The following AUH variants were observed in gnomAD, a reference collection of about 807,000 sequenced individuals.
AUH encodes the protein AU RNA binding methylglutaconyl-CoA hydratase.
In AUH, 29 loss-of-function variants were observed where a neutral mutation model predicts 42.3. The observed-to-expected ratio is 0.69, with a 90% CI of 0.51 to 0.93. The LOEUF is 0.93. AUH is among the 40% of genes least tolerant of loss of function. The pLI is 0.00. For missense variants in AUH, 452 were observed against 438.1 expected, an observed-to-expected ratio of 1.03 and a Z score of -0.28; for synonymous variants, 174 against 166.4, an observed-to-expected ratio of 1.05 and a Z score of -0.35.
intron 3 of AUH, among the ~76,000 whole-genome samples, chr9:91,329,705 G>C (rs1156628268): frequency 6.6e-6 from 1 of 150,694 alleles, no homozygotes; most frequent in Admixed American, 6.6e-5. Flanking sequence ...TCACTTTCTT[G>C]GTGATTTTTG....
intron 4 of AUH, among the ~76,000 whole-genome samples, chr9:91,305,029 C>T (rs982245685): frequency 1.3e-5 from 2 of 152,080 alleles, no homozygotes; most frequent in African/African-American, 4.8e-5. Context: ...AAAAACTCAG[C>T]AATATATTAT....
chr9:91,283,860 C>A (rs1399033055), intron 6 of AUH, among the ~76,000 whole-genome samples: 3 of 151,908 alleles, frequency 2.0e-5, no homozygotes, highest in Non-Finnish European at 4.4e-5. Context: ...TAGGAAGAAT[C>A]AATATTGTGA....
At position 91,220,991 on chromosome 9, in the gene AUH, C is replaced by A. The variant is rs141110052; in HGVS notation, c.657G>T (p.Gly219=). The change falls in exon 7 of 10, where the codon GGG becomes GGT. Residue 219 remains glycine, a splice_region_variant and synonymous_variant. Transcript: ENST00000375731. ...ETKLAIIPGG[G]GTQRLPRAIG... ...TGGCGCGTGGCAATCGCTGTGTCCCCCCTGAGGGGTGAAAGAGAGAGAAAA... is the reference window on the plus strand; with the variant it reads ...TGGCGCGTGGCAATCGCTGTGTCCCACCTGAGGGGTGAAAGAGAGAGAAAA... 1.2e-6 allele frequency: 2 copies of A among 1,614,000 alleles called. No individual in the cohort carries two copies. Among genetic ancestry groups the A allele is most frequent in the African/African-American group, 2.7e-5 (2 of 74,910 alleles).
At chr9:91,302,676 G>C (rs555983757) in intron 4 of AUH, among the ~76,000 whole-genome samples, 4 of 152,182 alleles carry the variant, frequency 2.6e-5, no homozygotes, top group Non-Finnish European at 5.9e-5. Context: ...AGGTGAGGCA[G>C]GGGAATTGCT....
chr9:91,317,909 TC>T (rs1353026574), intron 4 of AUH, among the ~76,000 whole-genome samples: 20 of 152,346 alleles, frequency 1.3e-4, no homozygotes, highest in African/African-American at 4.8e-4. Flanking sequence ...TTGGCTAACA[TC>T]ATGAGTTAAA....
chr9:91,227,545 TC>T (rs563644040), intron 6 of AUH, among the ~76,000 whole-genome samples: 2,870 of 125,444 alleles, frequency 0.023, 54 homozygotes, highest in East Asian at 0.055. Context: ...ACCCTTTATT[TC>T]CTTCTCCTGC....
intron 4 of AUH, among the ~76,000 whole-genome samples, chr9:91,302,652 C>G (rs1005454722): frequency 1.1e-4 from 16 of 151,976 alleles, no homozygotes; most frequent in African/African-American, 3.9e-4. Flanking sequence ...TGCCTGTAAT[C>G]CCAGCTACTG....
chr9:91,276,077 C>T (rs893444621), intron 6 of AUH, among the ~76,000 whole-genome samples: 2 of 152,092 alleles, frequency 1.3e-5, no homozygotes, highest in East Asian at 3.9e-4. Flanking sequence ...ATTTCCTTTA[C>T]GTACCCCATA....
rs561468564 is a variant in AUH at position 91,231,510 on chromosome 9, G to A, written c.656-10518C>T. Among the ~76,000 whole-genome samples, 21 of 152,306 alleles carry A rather than the reference G, an allele frequency of 1.4e-4. No individual in the cohort carries two copies. In the East Asian group the frequency reaches 3.1e-3, roughly 22 times the overall value. ...ACAGATGGAAATGCAGAAATCACCCGTCTTCTGCGTAGCTCAGGCTGGGAG... is the reference window on the plus strand; with the variant it reads ...ACAGATGGAAATGCAGAAATCACCCATCTTCTGCGTAGCTCAGGCTGGGAG... On this transcript the variant is annotated intron_variant, in intron 6 of 9. Transcript: ENST00000375731.
intron 6 of AUH, among the ~76,000 whole-genome samples, chr9:91,273,198 C>T (rs755759248): frequency 2.6e-5 from 4 of 152,124 alleles, no homozygotes; most frequent in Non-Finnish European, 5.9e-5. Flanking sequence ...ACCCTGCTGC[C>T]CTGGGCAGAG....
intron 6 of AUH, among the ~76,000 whole-genome samples, chr9:91,241,697 G>T (rs1828530312): frequency 6.6e-6 from 1 of 152,200 alleles, no homozygotes; most frequent in South Asian, 2.1e-4. Context: ...GACAAATCAT[G>T]TAACTACTAA....
Position 91,356,065 on chromosome 9 carries a change from AAC to A in AUH, c.330+21_330+22del, listed in dbSNP as rs752749206. 3.7e-6 allele frequency: 6 copies of A among 1,607,940 alleles called. No individual in the cohort carries two copies. The African/African-American group carries it at 8.0e-5, about 21-fold the overall frequency. ...ATAATATATCTTAATATTAGAAGCA[AAC>A]AGTTTAATCTTTACACTCACCATTT... is the stretch of plus-strand genomic sequence containing the variant. On this transcript the variant is annotated intron_variant, in intron 2 of 9. Transcript: ENST00000375731.
At position 91,356,215 on chromosome 9, in the gene AUH, C is replaced by CGTAG. The variant is rs141565017; in HGVS notation, c.263-61_263-60insCTAC. 9.8e-3 allele frequency: 13,052 copies of CGTAG among 1,327,380 alleles called. 141 individuals carry two copies. Among genetic ancestry groups the CGTAG allele is most frequent in the East Asian group, 0.029 (1,270 of 43,266 alleles). The allele number at this position is 1,327,380 out of a possible 1,614,324, so 82.2% of individuals were successfully genotyped here. A position where few individuals can be genotyped will look rare whatever the true frequency, so the allele number is the denominator to read the frequency against. On this transcript the variant is annotated intron_variant, in intron 1 of 9. Transcript: ENST00000375731. ...GTGAGCAAGGCATTCAGAGAACAGA[C>CGTAG]TCTACATCACACATCTAGCTAGCTT...
At chr9:91,330,741 G>A (rs991357693) in intron 3 of AUH, among the ~76,000 whole-genome samples, 2 of 152,206 alleles carry the variant, frequency 1.3e-5, no homozygotes, top group East Asian at 1.9e-4. Flanking sequence ...GAACAGGACT[G>A]CACTACTCCT....
intron 6 of AUH, among the ~76,000 whole-genome samples, chr9:91,266,362 AAAATAAATAAATAAAT>A (rs144350488): frequency 1.4e-5 from 2 of 147,986 alleles, no homozygotes; most frequent in South Asian, 2.1e-4. Context: ...ACTCCATCTC[AAAATAAATAAATAAAT>A]AAATAAATAA....
At chr9:91,265,375 A>T (rs1052879439) in intron 6 of AUH, among the ~76,000 whole-genome samples, 2 of 149,664 alleles carry the variant, frequency 1.3e-5, no homozygotes, top group Non-Finnish European at 3.0e-5. Flanking sequence ...GCAATCCTTT[A>T]AAAAAAACCT....
At chr9:91,228,025 G>C (rs915166611) in intron 6 of AUH, among the ~76,000 whole-genome samples, 9 of 152,170 alleles carry the variant, frequency 5.9e-5, no homozygotes, top group African/African-American at 2.2e-4. Context: ...TTTTTTGGTT[G>C]TGTGTCTGCC....
At chr9:91,357,038 C>T (rs1237961192) in intron 1 of AUH, among the ~76,000 whole-genome samples, 1 of 152,110 alleles carries the variant, frequency 6.6e-6, no homozygotes, top group Non-Finnish European at 1.5e-5. Flanking sequence ...CTGTGCAGAC[C>T]CATTCTTTAA....
At chr9:91,287,887 A>G (rs1449413047) in intron 6 of AUH, among the ~76,000 whole-genome samples, 1 of 152,116 alleles carries the variant, frequency 6.6e-6, no homozygotes, top group Non-Finnish European at 1.5e-5. Context: ...CGTATGCTGA[A>G]ATATTGAAAG....
Sources: allele counts gnomAD v4.1 joint callset (sites outside exome capture counted in the v4.1 genomes callset), GRCh38; gene constraint gnomAD v4.1.1; transcripts MANE v1.5; gene names NCBI Gene and HGNC (gene_info 2026-07-23, HGNC 2026-07-21).